CAMK1D: variants seen among roughly 807,000 people sequenced by gnomAD.
The protein encoded by CAMK1D is calcium/calmodulin dependent protein kinase ID.
CAMK1D carries 9 observed loss-of-function variants against 47.7 expected under a neutral mutation model. That is an observed-to-expected ratio of 0.19 (90% CI 0.11 to 0.33). CAMK1D has a LOEUF of 0.33. Ranked by LOEUF, CAMK1D falls within the 10% of genes least tolerant of loss-of-function variation. The pLI is 1.00. For synonymous variants in CAMK1D, 184 were observed against 184.9 expected, an observed-to-expected ratio of 0.99 and a Z score of 0.04; for missense variants, 291 against 488.7, an observed-to-expected ratio of 0.60 and a Z score of 3.81.
At chr10:12,660,399 T>G (rs1840241060) in intron 2 of CAMK1D, among the ~76,000 whole-genome samples, 1 of 152,236 alleles carries the variant, frequency 6.6e-6, no homozygotes, top group African/African-American at 2.4e-5. Context: ...AGGCTGACCC[T>G]TTGGGTCCTG....
chr10:12,762,483 A>G (rs1836556867), intron 4 of CAMK1D, among the ~76,000 whole-genome samples: 1 of 152,170 alleles, frequency 6.6e-6, no homozygotes, highest in African/African-American at 2.4e-5. Context: ...CCATTGACCC[A>G]GGCAGTGATT....
chr10:12,417,510 G>T (rs1839893867), intron 1 of CAMK1D, among the ~76,000 whole-genome samples: 1 of 152,196 alleles, frequency 6.6e-6, no homozygotes, highest in Non-Finnish European at 1.5e-5. Context: ...ATTGCTCAGG[G>T]TTCTGCAGAG....
chr10:12,427,755 T>C, intron 1 of CAMK1D, among the ~76,000 whole-genome samples: 1 of 132,342 alleles, frequency 7.6e-6, no homozygotes, highest in African/African-American at 2.8e-5. Context: ...TTGCCCAGGC[T>C]GGAGTGCAGT....
intron 5 of CAMK1D, among the ~76,000 whole-genome samples, chr10:12,774,201 T>A (rs1486511538): frequency 6.6e-6 from 1 of 152,154 alleles, no homozygotes; most frequent in African/African-American, 2.4e-5. Context: ...ATTCGTGTGT[T>A]AGGTGGCCTT....
At chr10:12,615,985 GTC>G (rs1464640746) in intron 2 of CAMK1D, among the ~76,000 whole-genome samples, 3 of 151,136 alleles carry the variant, frequency 2.0e-5, no homozygotes, top group African/African-American at 2.4e-5. Flanking sequence ...TGTGTGTTGT[GTC>G]TGTATAGGTG....
At chr10:12,390,843 G>A (rs538113447) in intron 1 of CAMK1D, among the ~76,000 whole-genome samples, 1 of 152,256 alleles carries the variant, frequency 6.6e-6, no homozygotes, top group African/African-American at 2.4e-5. Context: ...CTGTCCCCAC[G>A]GAGCCATCCT....
At chr10:12,412,875 G>T (rs1444964446) in intron 1 of CAMK1D, among the ~76,000 whole-genome samples, 1 of 151,938 alleles carries the variant, frequency 6.6e-6, no homozygotes, top group Non-Finnish European at 1.5e-5. Flanking sequence ...GGCCCTCCCG[G>T]GTCTTTCTGT....
intron 3 of CAMK1D, among the ~76,000 whole-genome samples, chr10:12,672,516 G>T (rs1840657083): frequency 6.6e-6 from 1 of 151,432 alleles, no homozygotes; most frequent in African/African-American, 2.4e-5. Flanking sequence ...TTACAGGCAT[G>T]CACCACCACG....
At chr10:12,774,880 A>G (rs563405505) in intron 5 of CAMK1D, among the ~76,000 whole-genome samples, 34 of 152,274 alleles carry the variant, frequency 2.2e-4, no homozygotes, top group Admixed American at 2.1e-3. Context: ...ACCATCCCCA[A>G]TACCGTATCC....
chr10:12,445,900 CG>C (rs1462228456), intron 1 of CAMK1D, among the ~76,000 whole-genome samples: 1 of 151,868 alleles, frequency 6.6e-6, no homozygotes, highest in Non-Finnish European at 1.5e-5. Context: ...GACATGTTGG[CG>C]TTTTTTTTCT....
At chr10:12,743,599 A>G (rs578137834) in intron 3 of CAMK1D, among the ~76,000 whole-genome samples, 5 of 152,312 alleles carry the variant, frequency 3.3e-5, no homozygotes, top group African/African-American at 7.2e-5. Context: ...TTGGATCACC[A>G]TCACCACTAC....
Position 12,504,803 on chromosome 10 carries a change from C to T in CAMK1D, c.93-48422C>T, listed in dbSNP as rs142560022. Among the ~76,000 whole-genome samples, 41 of 152,280 alleles carry T rather than the reference C, an allele frequency of 2.7e-4. 1 individual carries two copies. Among genetic ancestry groups the T allele is most frequent in the African/African-American group, 8.4e-4 (35 of 41,572 alleles). On this transcript the variant is annotated intron_variant, in intron 1 of 10. Coordinates refer to ENST00000619168, the MANE Select transcript of CAMK1D (RefSeq NM_153498.4). ...CACTTTCTCTTACTACCTCCCGGGA[C>T]GGGGCTCCTCTCAGGTTTTCCTTTG...
At chr10:12,457,197 C>T (rs1432339867) in intron 1 of CAMK1D, among the ~76,000 whole-genome samples, 1 of 152,066 alleles carries the variant, frequency 6.6e-6, no homozygotes, top group Non-Finnish European at 1.5e-5. Flanking sequence ...TCGAGACCAG[C>T]CTGACCAACA....
intron 1 of CAMK1D, among the ~76,000 whole-genome samples, chr10:12,550,206 G>T (rs987337796): frequency 3.9e-5 from 6 of 152,176 alleles, no homozygotes; most frequent in African/African-American, 1.2e-4. Flanking sequence ...GGACCATTGG[G>T]GTGTCATCAG....
At chr10:12,464,831 A>G (rs1202524486) in intron 1 of CAMK1D, among the ~76,000 whole-genome samples, 1 of 142,610 alleles carries the variant, frequency 7.0e-6, no homozygotes, top group Admixed American at 7.0e-5. Flanking sequence ...AAAAAAAAAA[A>G]GAGTGATCAA....
intron 3 of CAMK1D, among the ~76,000 whole-genome samples, chr10:12,723,113 G>A (rs1834469573): frequency 6.6e-6 from 1 of 152,118 alleles, no homozygotes; most frequent in Admixed American, 6.6e-5. Flanking sequence ...AGGGTGTCAG[G>A]CAGTGGGCTT....
chr10:12,391,518 T>A (rs1023645231), intron 1 of CAMK1D, among the ~76,000 whole-genome samples: 1 of 152,128 alleles, frequency 6.6e-6, no homozygotes, highest in Admixed American at 6.5e-5. Context: ...TGCTGACCGT[T>A]TTTTTTAAAA....
In CAMK1D at chr10:12,795,427, C is replaced by T. The variant is rs577590816; in HGVS notation, c.641+4194C>T. Reference sequence around the variant, plus strand: ...TCCCATTCCCACCTAAAGACTTATGCACAAGGCCACTGAGCGGTCCATGAG... The same window carrying T: ...TCCCATTCCCACCTAAAGACTTATGTACAAGGCCACTGAGCGGTCCATGAG... On this transcript the variant is annotated intron_variant, in intron 6 of 10. Transcript: ENST00000619168. Among the ~76,000 whole-genome samples the T allele has an allele frequency of 8.5e-5, 13 of 152,324 alleles. No homozygotes were observed. The East Asian group carries it at 2.3e-3, about 27-fold the overall frequency.
At chr10:12,505,693 T>C (rs999569587) in intron 1 of CAMK1D, among the ~76,000 whole-genome samples, 4 of 152,246 alleles carry the variant, frequency 2.6e-5, no homozygotes, top group Middle Eastern at 3.2e-3. Flanking sequence ...ATCTGTTTTC[T>C]GAGAATTTAA....
Sources: gnomAD v4.1 joint callset for allele counts (sites outside exome capture counted in the v4.1 genomes callset) on GRCh38, gnomAD v4.1.1 for gene constraint, MANE v1.5 for transcripts, NCBI Gene and HGNC (gene_info 2026-07-23, HGNC 2026-07-21) for gene names.